The following ARSB variants were observed in gnomAD, a reference collection of about 807,000 sequenced individuals.
The protein encoded by ARSB is N-acetylgalactosamine-4-sulfatase.
ARSB carries 41 observed loss-of-function variants against 50.9 expected under a neutral mutation model. The observed-to-expected ratio is 0.81, with a 90% CI of 0.63 to 1.04. The LOEUF is 1.04. Among genes scored for constraint, ARSB ranks in the 50% least tolerant of loss-of-function variants. The probability of loss-of-function intolerance (pLI) is 0.00; values close to 1 mark genes in which losing one functional copy is unlikely to be tolerated. For synonymous variants in ARSB, 269 were observed against 284.8 expected, an observed-to-expected ratio of 0.94 and a Z score of 0.56; for missense variants, 672 against 693.3, an observed-to-expected ratio of 0.97 and a Z score of 0.35.
chr5:78,941,890 C>T (rs1750949925), intron 4 of ARSB, among the ~76,000 whole-genome samples: 1 of 152,192 alleles, frequency 6.6e-6, no homozygotes, highest in Non-Finnish European at 1.5e-5. Flanking sequence ...TGGTAGAATT[C>T]GGTTGTGAAT....
At chr5:78,971,552 G>A (rs1193049510) in intron 1 of ARSB, among the ~76,000 whole-genome samples, 1 of 152,198 alleles carries the variant, frequency 6.6e-6, no homozygotes, top group Non-Finnish European at 1.5e-5. Flanking sequence ...ATAATTTAAA[G>A]TGGAATAGCA....
At chr5:78,785,468 C>G (rs560103053) in intron 6 of ARSB, among the ~76,000 whole-genome samples, 25 of 152,216 alleles carry the variant, frequency 1.6e-4, no homozygotes, top group Middle Eastern at 3.4e-3. Context: ...TGTTAAAAAT[C>G]TCTTCTATGA....
intron 6 of ARSB, among the ~76,000 whole-genome samples, chr5:78,817,904 G>T (rs2112668717): frequency 6.6e-6 from 1 of 152,316 alleles, no homozygotes; most frequent in East Asian, 1.9e-4. Flanking sequence ...CCAACACTTT[G>T]GGAGGCCAAG....
chr5:78,946,251 T>A (rs2112455609), intron 4 of ARSB, among the ~76,000 whole-genome samples: 1 of 152,132 alleles, frequency 6.6e-6, no homozygotes. Flanking sequence ...GCTAGAGTAA[T>A]CAGACAAGAG....
chr5:78,969,525 G>A (rs546461717), intron 1 of ARSB, among the ~76,000 whole-genome samples: 5 of 152,300 alleles, frequency 3.3e-5, no homozygotes, highest in South Asian at 2.1e-4. Flanking sequence ...AGAAAAAAGC[G>A]TTCCAATTTT....
intron 5 of ARSB, among the ~76,000 whole-genome samples, chr5:78,876,745 A>T (rs973019851): frequency 1.3e-5 from 2 of 152,156 alleles, no homozygotes; most frequent in Admixed American, 6.5e-5. Context: ...AGGTCCCCCA[A>T]CAAAGACTGT....
intron 1 of ARSB, among the ~76,000 whole-genome samples, chr5:78,983,132 C>A (rs1157356989): frequency 6.6e-6 from 1 of 152,170 alleles, no homozygotes. Flanking sequence ...CGGCTCACTG[C>A]AACCTCTGCC....
chr5:78,944,722 GT>G (rs1349440281), intron 4 of ARSB, among the ~76,000 whole-genome samples: 1 of 152,230 alleles, frequency 6.6e-6, no homozygotes, highest in Non-Finnish European at 1.5e-5. Flanking sequence ...CTACTCGGGG[GT>G]CAGGGACCCA....
At position 78,857,816 on chromosome 5, in the gene ARSB, T is replaced by C. The variant is rs914951693; in HGVS notation, c.1143-18390A>G. Among the ~76,000 whole-genome samples, 12 of 152,228 alleles carry C rather than the reference T, an allele frequency of 7.9e-5. 1 individual carries two copies. The highest frequency in any genetic ancestry group is 1.7e-4 in the African/African-American group (7 of 41,468). ...AAGACCTACCTCTAAACCGGTGAAG[T>C]TGGCAAGTTTTACCCATGCCTATAA... On this transcript the variant is annotated intron_variant, in intron 5 of 7. Coordinates refer to ENST00000264914, the MANE Select transcript of ARSB (RefSeq NM_000046.5).
At chr5:78,867,688 T>C (rs1746859671) in intron 5 of ARSB, among the ~76,000 whole-genome samples, 1 of 151,308 alleles carries the variant, frequency 6.6e-6, no homozygotes, top group Admixed American at 6.6e-5. Context: ...AGACCAAAAG[T>C]AGATAAAACC....
chr5:78,899,263 G>A (rs1748700659), intron 4 of ARSB, among the ~76,000 whole-genome samples: 1 of 152,086 alleles, frequency 6.6e-6, no homozygotes, highest in Non-Finnish European at 1.5e-5. Context: ...TGACCTTTGA[G>A]AGTTTCATTT....
At chr5:78,787,545 C>T (rs1461309601) in intron 6 of ARSB, among the ~76,000 whole-genome samples, 1 of 152,126 alleles carries the variant, frequency 6.6e-6, no homozygotes, top group Non-Finnish European at 1.5e-5. Flanking sequence ...TAATACAGCA[C>T]TGTGTTCTGG....
At chr5:78,860,868 G>A (rs1036107930) in intron 5 of ARSB, among the ~76,000 whole-genome samples, 6 of 150,348 alleles carry the variant, frequency 4.0e-5, no homozygotes, top group Non-Finnish European at 8.8e-5. Flanking sequence ...CCACTAGCAA[G>A]ACTAATAAAG....
At chr5:78,932,042 C>T (rs1327306016) in intron 4 of ARSB, among the ~76,000 whole-genome samples, 1 of 152,158 alleles carries the variant, frequency 6.6e-6, no homozygotes, top group African/African-American at 2.4e-5. Flanking sequence ...ATAAATTACC[C>T]AGCTCAGGTA....
chr5:78,848,100 G>A (rs944072667), intron 5 of ARSB, among the ~76,000 whole-genome samples: 2 of 149,014 alleles, frequency 1.3e-5, no homozygotes, highest in Middle Eastern at 3.2e-3. Context: ...TAAGTTTTAG[G>A]GTACATGTGC....
intron 4 of ARSB, among the ~76,000 whole-genome samples, chr5:78,894,672 C>T (rs547377918): frequency 1.3e-5 from 2 of 152,308 alleles, no homozygotes; most frequent in East Asian, 3.9e-4. Context: ...TCAATATATC[C>T]AAACATGAAG....
At chr5:78,939,278 A>G (rs983544584) in intron 4 of ARSB, among the ~76,000 whole-genome samples, 1 of 103,032 alleles carries the variant, frequency 9.7e-6, no homozygotes, top group Non-Finnish European at 2.1e-5. Flanking sequence ...TCTCCTATGT[A>G]TTTCTTTTTT....
chr5:78,905,345 T>G (rs1013506016), intron 4 of ARSB, among the ~76,000 whole-genome samples: 2 of 20,614 alleles, frequency 9.7e-5, no homozygotes, highest in Non-Finnish European at 1.8e-4. Flanking sequence ...TATTTTCCTG[T>G]TTTTTTTTTT....
intron 4 of ARSB, among the ~76,000 whole-genome samples, chr5:78,917,550 T>C (rs1037791823): frequency 4.6e-5 from 7 of 152,298 alleles, no homozygotes; most frequent in African/African-American, 1.7e-4. Flanking sequence ...TCTCACTCTA[T>C]CATCCAGGCT....
Sources: allele counts gnomAD v4.1 joint callset (sites outside exome capture counted in the v4.1 genomes callset), GRCh38; gene constraint gnomAD v4.1.1; transcripts MANE v1.5; gene names NCBI Gene and HGNC (gene_info 2026-07-23, HGNC 2026-07-21).